PALS1: variants seen among roughly 807,000 people sequenced by gnomAD.
PALS1 encodes the protein protein associated with LIN7 1, MAGUK p55 family member, also known as protein PALS1.
A neutral mutation model predicts 78.9 loss-of-function variants in PALS1; 31 were observed. That is an observed-to-expected ratio of 0.39 (90% confidence interval 0.30 to 0.53). PALS1 has a LOEUF of 0.53. Among genes scored for constraint, PALS1 ranks in the 20% least tolerant of loss-of-function variants. The probability of loss-of-function intolerance (pLI) is 0.67; values close to 1 mark genes in which losing one functional copy is unlikely to be tolerated. For synonymous variants in PALS1, 276 were observed against 270.9 expected, an observed-to-expected ratio of 1.02 and a Z score of -0.18; for missense variants, 704 against 826.5, an observed-to-expected ratio of 0.85 and a Z score of 1.82.
At chr14:67,276,868 G>A (rs779321477) in intron 2 of PALS1, among the ~76,000 whole-genome samples, 1 of 152,164 alleles carries the variant, frequency 6.6e-6, no homozygotes, top group African/African-American at 2.4e-5. Context: ...TTCCCTCATA[G>A]TGTAGTGAAT....
intron 14 of PALS1, among the ~76,000 whole-genome samples, chr14:67,325,537 TGAG>T (rs1271563077): frequency 6.6e-6 from 1 of 152,142 alleles, no homozygotes; most frequent in East Asian, 1.9e-4. Context: ...TGGCTGTTCT[TGAG>T]GAGGATCACA....
At chr14:67,274,427 A>G (rs1469600394) in intron 2 of PALS1, among the ~76,000 whole-genome samples, 9 of 151,942 alleles carry the variant, frequency 5.9e-5, no homozygotes, top group East Asian at 3.9e-4. Context: ...AGATCAGATG[A>G]TTGTAGATGT....
chr14:67,256,754 T>A (rs2084150895), intron 1 of PALS1, among the ~76,000 whole-genome samples: 1 of 151,134 alleles, frequency 6.6e-6, no homozygotes, highest in Non-Finnish European at 1.5e-5. Flanking sequence ...AAGAAAAAAA[T>A]CTAATAGAGT....
chr14:67,276,264 G>A (rs932042916), intron 2 of PALS1, among the ~76,000 whole-genome samples: 12 of 151,984 alleles, frequency 7.9e-5, no homozygotes, highest in Admixed American at 4.6e-4. Context: ...CATTATTCAT[G>A]TACAGCATGT....
At chr14:67,285,551 A>G (rs2084672963) in intron 3 of PALS1, among the ~76,000 whole-genome samples, 1 of 151,536 alleles carries the variant, frequency 6.6e-6, no homozygotes, top group Non-Finnish European at 1.5e-5. Flanking sequence ...GTATGTTTTT[A>G]GTAGAGATGG....
chr14:67,303,403 G>A, intron 7 of PALS1, 119 bp from the exon 8 acceptor site: 1 of 712,498 alleles, frequency 1.4e-6, no homozygotes, highest in Non-Finnish European at 2.4e-6. Flanking sequence ...AGTGCTGCTG[G>A]TCATTTAAGT....
At chr14:67,277,430 T>G (rs2084524179) in intron 2 of PALS1, among the ~76,000 whole-genome samples, 1 of 152,200 alleles carries the variant, frequency 6.6e-6, no homozygotes, top group Non-Finnish European at 1.5e-5. Context: ...TGTCCCTGTT[T>G]GCATTATGAC....
At position 67,312,666 on chromosome 14, in the gene PALS1, G is replaced by T. The variant is rs777010247; in HGVS notation, c.1181G>T (p.Arg394Met). 6.2e-7 allele frequency: 1 copy of T among 1,612,866 alleles called. No homozygotes were observed. The highest frequency in any genetic ancestry group is 8.5e-7 in the Non-Finnish European group (1 of 1,179,316). Residue 394 changes from arginine to methionine, a missense_variant, in exon 9 of 15, where the codon AGG becomes ATG. Physicochemically the swap from Arg to Met is moderately conservative, Grantham distance 91. Transcript: ENST00000261681. ...QEDPNWWQAYREGDEDNQPLA... is the reference protein window; with the variant it reads ...QEDPNWWQAYMEGDEDNQPLA... ...GATCCAAACTGGTGGCAGGCCTACA[G>T]GGAAGGGGACGAAGATAATCAACCT... is the stretch of plus-strand genomic sequence containing the variant.
chr14:67,288,271 G>C (rs1211054732), intron 3 of PALS1, among the ~76,000 whole-genome samples: 1 of 152,038 alleles, frequency 6.6e-6, no homozygotes, highest in East Asian at 1.9e-4. Flanking sequence ...CAGTAGAGAC[G>C]GGATTTTACC....
chr14:67,303,793 A>G (rs1199610063), intron 8 of PALS1, among the ~76,000 whole-genome samples, 194 bp downstream of exon 8: 1 of 152,006 alleles, frequency 6.6e-6, no homozygotes, highest in Non-Finnish European at 1.5e-5. Context: ...TGGAAGATGG[A>G]ATCTCCATCT....
intron 9 of PALS1, among the ~76,000 whole-genome samples, chr14:67,313,119 C>T (rs1372088036): frequency 6.6e-6 from 1 of 151,986 alleles, no homozygotes; most frequent in African/African-American, 2.4e-5. Context: ...TTTATTGTAC[C>T]AAACGTGATC....
intron 3 of PALS1, among the ~76,000 whole-genome samples, chr14:67,286,830 G>C (rs8014259): frequency 0.15 from 21,748 of 145,358 alleles, 3,141 homozygotes; most frequent in East Asian, 0.42. Context: ...GCACTCCAGC[G>C]TGGTGACAGA....
At chr14:67,317,907 G>A (rs577905265) in intron 11 of PALS1, among the ~76,000 whole-genome samples, 30 of 152,186 alleles carry the variant, frequency 2.0e-4, no homozygotes, top group Non-Finnish European at 3.8e-4. Flanking sequence ...TAAAAAGCTC[G>A]AAAGTTGTAG....
chr14:67,272,604 A>G (rs775701854), intron 2 of PALS1, among the ~76,000 whole-genome samples: 1 of 151,748 alleles, frequency 6.6e-6, no homozygotes, highest in African/African-American at 2.4e-5. Flanking sequence ...TCTCTTATTC[A>G]CTTTTTGCCC....
chr14:67,316,230 C>T (rs529435452), intron 9 of PALS1, among the ~76,000 whole-genome samples: 103 of 152,178 alleles, frequency 6.8e-4, no homozygotes, highest in African/African-American at 2.2e-3. Context: ...AGGTCAGGAA[C>T]CTTGAAAGCC....
intron 1 of PALS1, among the ~76,000 whole-genome samples, chr14:67,263,675 C>T (rs150017386): frequency 1.3e-5 from 2 of 152,294 alleles, no homozygotes; most frequent in African/African-American, 4.8e-5. Context: ...CGAAAAACAA[C>T]TTAACCTCTC....
chr14:67,320,986 G>T, intron 12 of PALS1, 71 bp from the exon 13 acceptor site: 1 of 1,278,774 alleles, frequency 7.8e-7, no homozygotes, highest in South Asian at 1.2e-5. Flanking sequence ...AATTCTTTCT[G>T]ACTAGCAGAA....
intron 9 of PALS1, 31 bp downstream of exon 9, chr14:67,312,741 T>C (rs1251193745): frequency 7.0e-7 from 1 of 1,438,144 alleles, no homozygotes; most frequent in Non-Finnish European, 9.2e-7. Context: ...AAGTACATAA[T>C]ATTAAAAGAA....
chr14:67,328,647 C>G (rs972214784), intron 14 of PALS1, among the ~76,000 whole-genome samples: 28 of 152,056 alleles, frequency 1.8e-4, no homozygotes, highest in African/African-American at 6.5e-4. Flanking sequence ...CTTGAATTAA[C>G]TTTTGTATAA....
Sources: gnomAD v4.1 joint callset for allele counts (sites outside exome capture counted in the v4.1 genomes callset) on GRCh38, gnomAD v4.1.1 for gene constraint, MANE v1.5 for transcripts, NCBI Gene and HGNC (gene_info 2026-07-23, HGNC 2026-07-21) for gene names.